The following KANK1 variants were observed in gnomAD, a reference collection of about 807,000 sequenced individuals.
KANK1 encodes KN motif and ankyrin repeat domains 1, also known as KN motif and ankyrin repeat domain-containing protein 1.
KANK1 carries 109 observed loss-of-function variants against 106.2 expected under a neutral mutation model. The observed-to-expected ratio is 1.03, with a 90% CI of 0.88 to 1.20. The LOEUF is 1.20. Ranked by LOEUF, KANK1 falls within the 50% of genes most tolerant of loss-of-function variation. The pLI is 0.00. For missense variants in KANK1, 2,399 were observed against 1,710.7 expected (o/e 1.40, Z -7.10); for synonymous variants, 873 against 652.2 (o/e 1.34, Z -5.16).
At chr9:512,589 T>A (rs1410968) in intron 1 of KANK1, among the ~76,000 whole-genome samples, 1 of 152,014 alleles carries the variant, frequency 6.6e-6, no homozygotes, top group African/African-American at 2.4e-5. Flanking sequence ...GCACCTTGGG[T>A]AAACCAGTTG....
intron 3 of KANK1, among the ~76,000 whole-genome samples, chr9:490,133 C>T (rs1198528322): frequency 6.6e-6 from 1 of 152,172 alleles, no homozygotes; most frequent in Admixed American, 6.5e-5. Context: ...GTTTTTCTGA[C>T]TTCTAAGTTA....
intron 1 of KANK1, among the ~76,000 whole-genome samples, chr9:612,684 A>C (rs1249365232): frequency 6.6e-6 from 1 of 152,220 alleles, no homozygotes; most frequent in African/African-American, 2.4e-5. Context: ...CAGTCCCTTC[A>C]GCTGAAGAAG....
intron 3 of KANK1, chr9:492,035 G>T (rs1303084921): frequency 6.6e-6 from 1 of 152,114 alleles, no homozygotes; most frequent in Non-Finnish European, 1.5e-5. Context: ...CCCAATCTTG[G>T]GTATGTCTTT....
chr9:741,358 C>T (rs979603796), intron 9 of KANK1, among the ~76,000 whole-genome samples: 1 of 151,740 alleles, frequency 6.6e-6, no homozygotes, highest in Non-Finnish European at 1.5e-5. Flanking sequence ...CTTGCTCTGT[C>T]CCCCAGGCTG....
intron 1 of KANK1, among the ~76,000 whole-genome samples, chr9:529,429 G>C (rs9407294): frequency 0.12 from 17,391 of 149,468 alleles, 1,455 homozygotes; most frequent in African/African-American, 0.24. Flanking sequence ...TTGATCTCTC[G>C]ACCTCGTGAT....
intron 1 of KANK1, among the ~76,000 whole-genome samples, chr9:575,222 A>T (rs1820228490): frequency 1.3e-5 from 2 of 152,246 alleles, no homozygotes; most frequent in South Asian, 4.1e-4. Flanking sequence ...AATAACCTTC[A>T]GTGAGATTTG....
intron 2 of KANK1, among the ~76,000 whole-genome samples, chr9:695,868 C>G (rs1305404808): frequency 6.6e-6 from 1 of 152,192 alleles, no homozygotes; most frequent in Non-Finnish European, 1.5e-5. Context: ...AGAGTGCCTG[C>G]TTCAAATCAC....
intron 1 of KANK1, among the ~76,000 whole-genome samples, chr9:522,802 C>T (rs913794598): frequency 6.6e-6 from 1 of 151,628 alleles, no homozygotes; most frequent in African/African-American, 2.4e-5. Flanking sequence ...TCCTGACCAC[C>T]AGCCTCTGAC....
chr9:714,017 T>C (rs1025724162), intron 3 of KANK1, among the ~76,000 whole-genome samples: 24 of 152,258 alleles, frequency 1.6e-4, no homozygotes, highest in Admixed American at 1.5e-3. Flanking sequence ...GGCGGGAGGA[T>C]TGCTAGAGCC....
intron 1 of KANK1, among the ~76,000 whole-genome samples, chr9:589,530 G>A (rs1036558732): frequency 2.6e-5 from 4 of 152,058 alleles, no homozygotes; most frequent in African/African-American, 9.7e-5. Context: ...AGGTGGGGAA[G>A]GAGTCATAAA....
chr9:690,794 T>G (rs367708855), intron 2 of KANK1, among the ~76,000 whole-genome samples: 26 of 152,154 alleles, frequency 1.7e-4, no homozygotes, highest in Non-Finnish European at 1.0e-4. Context: ...AGTCTCAAAG[T>G]TCCAAAGCCA....
At chr9:538,392 T>C (rs2060416409) in intron 1 of KANK1, among the ~76,000 whole-genome samples, 1 of 152,188 alleles carries the variant, frequency 6.6e-6, no homozygotes, top group Non-Finnish European at 1.5e-5. Context: ...TCAGAATTGT[T>C]ATCAGTTCTC....
intron 4 of KANK1, chr9:730,465 G>T (rs994337471): frequency 7.5e-6 from 4 of 529,990 alleles, no homozygotes; most frequent in Middle Eastern, 5.4e-4. Flanking sequence ...GCCAAGGCAG[G>T]CAGATCATTT....
At chr9:601,794 C>T (rs968321704) in intron 1 of KANK1, among the ~76,000 whole-genome samples, 1 of 151,856 alleles carries the variant, frequency 6.6e-6, no homozygotes, top group African/African-American at 2.4e-5. Context: ...ATGGCATCCC[C>T]TGATGCTCTA....
chr9:744,268 C>T (rs1196425851), intron 10 of KANK1, among the ~76,000 whole-genome samples: 3 of 152,200 alleles, frequency 2.0e-5, no homozygotes, highest in African/African-American at 4.8e-5. Flanking sequence ...GTAAGATAAT[C>T]CTCTTAACTG....
intron 3 of KANK1, among the ~76,000 whole-genome samples, chr9:498,093 A>G (rs1451764123): frequency 6.6e-6 from 1 of 152,206 alleles, no homozygotes; most frequent in Non-Finnish European, 1.5e-5. Context: ...TTCTGATCCA[A>G]CTTACTCTGT....
At chr9:540,896 T>C (rs2060560049) in intron 1 of KANK1, among the ~76,000 whole-genome samples, 1 of 152,226 alleles carries the variant, frequency 6.6e-6, no homozygotes, top group Non-Finnish European at 1.5e-5. Context: ...ATTTTGTCTT[T>C]TAGTTCAGCT....
intron 1 of KANK1, among the ~76,000 whole-genome samples, chr9:617,587 G>T (rs1459550654): frequency 6.6e-6 from 1 of 152,150 alleles, no homozygotes; most frequent in Non-Finnish European, 1.5e-5. Flanking sequence ...TGGTGATCAA[G>T]AGCCAGCTGC....
chr9:507,951 TGA>T (rs934705247), intron 1 of KANK1, among the ~76,000 whole-genome samples: 89 of 151,782 alleles, frequency 5.9e-4, no homozygotes, highest in African/African-American at 2.1e-3. Flanking sequence ...CCCAAAGTGC[TGA>T]GGGATTACAG....
Sources: allele counts gnomAD v4.1 joint callset (sites outside exome capture counted in the v4.1 genomes callset), GRCh38; gene constraint gnomAD v4.1.1; transcripts MANE v1.5; gene names NCBI Gene and HGNC (gene_info 2026-07-23, HGNC 2026-07-21).